The following STXBP6 variants were observed in gnomAD, a reference collection of about 807,000 sequenced individuals.
STXBP6 encodes syntaxin-binding protein 6.
Under a neutral mutation model 26.9 loss-of-function variants are expected in STXBP6, and 21 were observed. The ratio of observed to expected loss-of-function variants is 0.78; its 90% CI spans 0.55 to 1.12. STXBP6 has a LOEUF of 1.12. Among genes scored for constraint, STXBP6 ranks in the 50% most tolerant of loss-of-function variants. The probability of loss-of-function intolerance (pLI) is 0.00; values close to 1 mark genes in which losing one functional copy is unlikely to be tolerated. For synonymous variants in STXBP6, 97 were observed against 92.6 expected (o/e 1.05, Z -0.27); for missense variants, 232 against 257.9 (o/e 0.90, Z 0.69).
intron 2 of STXBP6, among the ~76,000 whole-genome samples, chr14:24,916,873 T>G (rs886397347): frequency 6.6e-6 from 1 of 152,118 alleles, no homozygotes; most frequent in Non-Finnish European, 1.5e-5. Context: ...TGAGAAGAAC[T>G]GATTTAGAAA....
intron 1 of STXBP6, among the ~76,000 whole-genome samples, chr14:24,979,819 C>G (rs961810819): frequency 3.3e-5 from 5 of 152,168 alleles, no homozygotes; most frequent in African/African-American, 1.2e-4. Context: ...TTTGGGTCTT[C>G]ACCATCCCCG....
intron 2 of STXBP6, among the ~76,000 whole-genome samples, chr14:24,879,715 G>A (rs1167094677): frequency 2.8e-5 from 4 of 144,106 alleles, no homozygotes; most frequent in Non-Finnish European, 1.5e-5. Flanking sequence ...TTTCCACGTC[G>A]CCTTTCTTTC....
chr14:25,049,805 G>C lies in STXBP6; in HGVS notation c.-33+73C>G. On this transcript the variant is annotated intron_variant, in intron 1 of 5. Transcript: ENST00000323944. The surrounding 1 kb of genome is among the most constrained non-coding windows in gnomAD (Gnocchi z 5.6). The stretch of plus-strand genomic sequence containing the variant: ...CGGAGCGCCAGGCGCCCCAACAGCC[G>C]TGGCGGCTGCAACCGCATCTCCCGG... The C allele has an allele frequency of 1.0e-6, 1 of 985,846 alleles. No individual in the cohort carries two copies. The highest frequency in any genetic ancestry group is 1.2e-6 in the Non-Finnish European group (1 of 830,330). The allele number at this position is 985,846 out of a possible 1,614,324, so 61.1% of individuals were successfully genotyped here. A position where few individuals can be genotyped will look rare whatever the true frequency, so the allele number is the denominator to read the frequency against.
Position 24,819,121 on chromosome 14 carries a change from C to T in STXBP6, c.525G>A (p.Glu175=), listed in dbSNP as rs776185472. 12 of 1,614,156 alleles carry T rather than the reference C, an allele frequency of 7.4e-6. No individual in the cohort carries two copies. In the South Asian group the frequency reaches 9.9e-5, roughly 13 times the overall value. The change falls in exon 5 of 6, where the codon GAG becomes GAA. Residue 175 remains glutamate (E), a synonymous_variant. Transcript: ENST00000323944. ...AVQKASQALN[E]RGERLGRAEE... is the part of the protein sequence containing the mutation. ...CTGCTCGGCCTAATCGCTCTCCACG[C>T]TCATTCAAGGCCTGGCTTGCCTTCT...
intron 2 of STXBP6, among the ~76,000 whole-genome samples, chr14:24,961,458 A>C (rs1179274888): frequency 6.6e-6 from 1 of 152,064 alleles, no homozygotes; most frequent in Non-Finnish European, 1.5e-5. Flanking sequence ...AAACAAAAAA[A>C]AAAAAACATA....
At chr14:24,955,690 T>G (rs1004498862) in intron 2 of STXBP6, among the ~76,000 whole-genome samples, 5 of 152,014 alleles carry the variant, frequency 3.3e-5, no homozygotes, top group Non-Finnish European at 7.4e-5. Flanking sequence ...GGTATCTCGG[T>G]TGGCTAGGGA....
chr14:24,824,384 C>T (rs1472947657), intron 4 of STXBP6, among the ~76,000 whole-genome samples: 7 of 152,236 alleles, frequency 4.6e-5, no homozygotes, highest in Admixed American at 3.9e-4. Flanking sequence ...GTGACTGTCA[C>T]TAAATATTTT....
intron 2 of STXBP6, among the ~76,000 whole-genome samples, chr14:24,906,355 A>C (rs978878458): frequency 2.6e-5 from 4 of 152,190 alleles, no homozygotes; most frequent in Admixed American, 2.0e-4. Flanking sequence ...CATTTTACTT[A>C]AGTCTTTTAT....
intron 2 of STXBP6, among the ~76,000 whole-genome samples, chr14:24,920,280 G>A (rs2071933094): frequency 1.3e-5 from 2 of 151,824 alleles, no homozygotes; most frequent in Admixed American, 6.6e-5. Context: ...AAAAATAAAG[G>A]TGTGTTAGAT....
chr14:25,007,278 A>G (rs2074924591), intron 1 of STXBP6, among the ~76,000 whole-genome samples: 1 of 152,260 alleles, frequency 6.6e-6, no homozygotes, highest in African/African-American at 2.4e-5. Context: ...AAGGGCTGTC[A>G]GTCTTGAGGA....
At chr14:24,981,595 C>T (rs1053391413) in intron 1 of STXBP6, among the ~76,000 whole-genome samples, 18 of 152,086 alleles carry the variant, frequency 1.2e-4, no homozygotes, top group African/African-American at 4.1e-4. Flanking sequence ...TAAACTATGT[C>T]ATTTTTAACA....
intron 2 of STXBP6, among the ~76,000 whole-genome samples, chr14:24,974,047 A>G (rs924974693): frequency 5.9e-5 from 9 of 152,152 alleles, no homozygotes; most frequent in Non-Finnish European, 1.2e-4. Flanking sequence ...CAAAAATCTT[A>G]ATACGAATCC....
At chr14:24,957,078 T>C (rs2073368024) in intron 2 of STXBP6, among the ~76,000 whole-genome samples, 1 of 152,182 alleles carries the variant, frequency 6.6e-6, no homozygotes, top group Non-Finnish European at 1.5e-5. Flanking sequence ...CCAGGCTCTT[T>C]GCTAGTGGTC....
intron 2 of STXBP6, 138 bp downstream of exon 2, chr14:24,974,527 G>T: frequency 1.5e-6 from 1 of 675,874 alleles, no homozygotes; most frequent in Non-Finnish European, 2.3e-6. Flanking sequence ...TAAAGAGGAA[G>T]ACCAGAAAAA....
intron 2 of STXBP6, among the ~76,000 whole-genome samples, chr14:24,892,846 G>T (rs2070843722): frequency 6.6e-6 from 1 of 152,154 alleles, no homozygotes; most frequent in Non-Finnish European, 1.5e-5. Flanking sequence ...GGGCAGAAAT[G>T]GGAGAGAGCC....
intron 4 of STXBP6, among the ~76,000 whole-genome samples, chr14:24,830,807 A>G (rs1942586772): frequency 6.6e-6 from 1 of 152,180 alleles, no homozygotes; most frequent in Admixed American, 6.5e-5. Context: ...TGCAAATCCT[A>G]TCTTTAAGAA....
intron 2 of STXBP6, among the ~76,000 whole-genome samples, chr14:24,900,249 T>C (rs1348388267): frequency 3.3e-5 from 5 of 152,210 alleles, no homozygotes; most frequent in Admixed American, 2.0e-4. Flanking sequence ...GTAAGCTCTT[T>C]CCTCTCAGTT....
At chr14:24,883,608 C>T (rs909661176) in intron 2 of STXBP6, among the ~76,000 whole-genome samples, 2 of 152,202 alleles carry the variant, frequency 1.3e-5, no homozygotes, top group African/African-American at 4.8e-5. Flanking sequence ...TCCTAAAGCA[C>T]CCATGTTGAA....
At chr14:24,867,568 AC>A (rs1237800214) in intron 2 of STXBP6, among the ~76,000 whole-genome samples, 5 of 152,202 alleles carry the variant, frequency 3.3e-5, no homozygotes, top group Non-Finnish European at 1.5e-5. Context: ...AGTCTTTTCA[AC>A]AAATGGTACT....
Sources: gnomAD v4.1 joint callset for allele counts (sites outside exome capture counted in the v4.1 genomes callset) on GRCh38, gnomAD v4.1.1 for gene constraint, Gnocchi (gnomAD v3.1) non-coding constraint, MANE v1.5 for transcripts, NCBI Gene and HGNC (gene_info 2026-07-23, HGNC 2026-07-21) for gene names.